GTF2H5: variants seen among roughly 807,000 people sequenced by gnomAD.
GTF2H5 encodes the protein TFB5 ortholog.
GTF2H5 carries 5 observed loss-of-function variants against 7.1 expected under a neutral mutation model. The ratio of observed to expected loss-of-function variants is 0.71; its 90% CI spans 0.37 to 1.49. The LOEUF is 1.49. Ranked by LOEUF, GTF2H5 falls within the 40% of genes most tolerant of loss-of-function variation. The probability of loss-of-function intolerance (pLI) is 0.03; values close to 1 mark genes in which losing one functional copy is unlikely to be tolerated. For synonymous variants in GTF2H5, 30 were observed against 31.7 expected (o/e 0.95, Z 0.18); for missense variants, 80 against 83.0 (o/e 0.96, Z 0.14).
intron 2 of GTF2H5, among the ~76,000 whole-genome samples, chr6:158,178,108 A>G (rs1785957137): frequency 6.6e-6 from 1 of 152,156 alleles, no homozygotes; most frequent in Non-Finnish European, 1.5e-5. Context: ...GCTGGGTCAA[A>G]TGGTATTTCT....
intron 1 of GTF2H5, among the ~76,000 whole-genome samples, chr6:158,169,693 T>G (rs1477403220): frequency 1.5e-5 from 1 of 66,146 alleles, no homozygotes; most frequent in South Asian, 3.7e-4. Flanking sequence ...ATAATATATA[T>G]TATATAATAT....
intron 2 of GTF2H5, among the ~76,000 whole-genome samples, chr6:158,171,531 G>A (rs1157192571): frequency 6.6e-6 from 1 of 152,180 alleles, no homozygotes; most frequent in Non-Finnish European, 1.5e-5. Context: ...GCCAAAGGAG[G>A]AAGTGTTTTG....
intron 2 of GTF2H5, 65 bp downstream of exon 2, chr6:158,170,603 C>A: frequency 8.9e-7 from 1 of 1,125,110 alleles, no homozygotes; most frequent in Non-Finnish European, 1.4e-6. Context: ...GTATGTATGT[C>A]TTTTCTAAAA....
In GTF2H5 at chr6:158,171,401, C is replaced by T. The variant is rs1562470446; in HGVS notation, c.35+863C>T. ...TCACAGACTAACCGTGTTTCAAGGACTCTGTAGTGACCTGACTAGTGGGCT... is the reference window on the plus strand; with the variant it reads ...TCACAGACTAACCGTGTTTCAAGGATTCTGTAGTGACCTGACTAGTGGGCT... On this transcript the variant is annotated intron_variant, in intron 2 of 2. Coordinates refer to ENST00000607778, the MANE Select transcript of GTF2H5 (RefSeq NM_207118.3). 2.0e-5 allele frequency among the ~76,000 whole-genome samples: 3 copies of T among 152,206 alleles called. No individual in the cohort carries two copies. The East Asian group carries it at 5.8e-4, about 29-fold the overall frequency.
intron 2 of GTF2H5, among the ~76,000 whole-genome samples, chr6:158,178,887 C>T: frequency 6.6e-6 from 1 of 152,050 alleles, no homozygotes; most frequent in East Asian, 1.9e-4. Flanking sequence ...CTTTTGTTGC[C>T]ATTGCTTTTC....
chr6:158,178,143 C>T (rs1785957627), intron 2 of GTF2H5, among the ~76,000 whole-genome samples: 1 of 152,226 alleles, frequency 6.6e-6, no homozygotes, highest in South Asian at 2.1e-4. Context: ...AAGGAATCGC[C>T]ACGCTGTCTT....
In GTF2H5 at chr6:158,189,997, G is replaced by A. The variant is rs148999064; in HGVS notation, c.36-1980G>A. Among the ~76,000 whole-genome samples the A allele has an allele frequency of 9.9e-3, 1,500 of 152,112 alleles. 25 individuals are homozygous for A. Among genetic ancestry groups the A allele is most frequent in the African/African-American group, 0.034 (1,400 of 41,450 alleles). On this transcript the variant is annotated intron_variant, in intron 2 of 2. Coordinates refer to ENST00000607778, the MANE Select transcript of GTF2H5 (RefSeq NM_207118.3). Reference sequence around the variant, plus strand: ...CTCTTTGGGTTTTCTTTCTACCTCGGTGGTCACTTCTTACTCAGCTTCTTC... The same window carrying A: ...CTCTTTGGGTTTTCTTTCTACCTCGATGGTCACTTCTTACTCAGCTTCTTC...
intron 2 of GTF2H5, among the ~76,000 whole-genome samples, chr6:158,180,245 T>A (rs1190772489): frequency 6.6e-6 from 1 of 152,200 alleles, no homozygotes; most frequent in African/African-American, 2.4e-5. Context: ...GTGGATAAGC[T>A]TTTTGATGTG....
Position 158,193,511 on chromosome 6 carries a change from G to C in GTF2H5, c.*1354G>C, listed in dbSNP as rs1777060553. ...CTTCCTTATGGTATGTTTATTCAAA[G>C]CACCTGTGTACCATATTTATTCACT... On this transcript the variant is annotated 3_prime_UTR_variant, in exon 3 of 3. Transcript: ENST00000607778. 1 of 152,080 alleles carries C rather than the reference G, an allele frequency of 6.6e-6. No homozygotes were observed. The highest frequency in any genetic ancestry group is 1.5e-5 in the Non-Finnish European group (1 of 68,034). The allele number at this position is 152,080 out of a possible 1,614,324, so 9.4% of individuals were successfully genotyped here. A position where few individuals can be genotyped will look rare whatever the true frequency, so the allele number is the denominator to read the frequency against.
In GTF2H5 at chr6:158,198,595, G is replaced by A. The variant is rs1777148292; in HGVS notation, c.*6438G>A. 6.6e-6 allele frequency: 1 copy of A among 152,188 alleles called. No homozygotes were observed. The highest frequency in any genetic ancestry group is 1.9e-4 in the East Asian group (1 of 5,188). 9.4% of individuals were successfully genotyped at this position (152,188 alleles called of 1,614,324 possible). A position where few individuals can be genotyped will look rare whatever the true frequency, so the allele number is the denominator to read the frequency against. On this transcript the variant is annotated 3_prime_UTR_variant, in exon 3 of 3. Coordinates refer to ENST00000607778, the MANE Select transcript of GTF2H5 (RefSeq NM_207118.3). ...ACACTTTGCTAATCTTGTATTTTTG[G>A]TAGAGACGGGGTTTGCACCATGTTG...
At chr6:158,185,568 C>A (rs1047667805) in intron 2 of GTF2H5, among the ~76,000 whole-genome samples, 1 of 150,030 alleles carries the variant, frequency 6.7e-6, no homozygotes, top group African/African-American at 2.5e-5. Flanking sequence ...AAGTTTGAAG[C>A]GATTGATATT....
At chr6:158,169,693 T>TATAA (rs1483686884) in intron 1 of GTF2H5, among the ~76,000 whole-genome samples, 1 of 66,148 alleles carries the variant, frequency 1.5e-5, no homozygotes. Context: ...ATAATATATA[T>TATAA]TATATAATAT....
chr6:158,183,640 G>A (rs1786038319), intron 2 of GTF2H5, among the ~76,000 whole-genome samples: 1 of 152,210 alleles, frequency 6.6e-6, no homozygotes, highest in South Asian at 2.1e-4. Context: ...AAGCTCCGGT[G>A]TCCCAAGTCA....
chr6:158,189,407 G>A (rs1776983514), intron 2 of GTF2H5, among the ~76,000 whole-genome samples: 1 of 152,102 alleles, frequency 6.6e-6, no homozygotes, highest in East Asian at 1.9e-4. Flanking sequence ...AGTGATGTTA[G>A]TATCCGTGTG....
At chr6:158,181,724 G>A (rs1253563402) in intron 2 of GTF2H5, among the ~76,000 whole-genome samples, 3 of 149,506 alleles carry the variant, frequency 2.0e-5, no homozygotes, top group African/African-American at 4.9e-5. Flanking sequence ...CTTTGCTTTC[G>A]CTTGGTAGAT....
chr6:158,188,334 A>G (rs1363606024), intron 2 of GTF2H5, among the ~76,000 whole-genome samples: 2 of 152,180 alleles, frequency 1.3e-5, no homozygotes, highest in Non-Finnish European at 2.9e-5. Flanking sequence ...TTGTATGTGC[A>G]AGGAAGATTT....
intron 2 of GTF2H5, among the ~76,000 whole-genome samples, chr6:158,172,999 G>A (rs1785878332): frequency 6.6e-6 from 1 of 152,110 alleles, no homozygotes; most frequent in Admixed American, 6.6e-5. Context: ...TTGCACTTCA[G>A]GGTAATCCCC....
At chr6:158,168,933 A>C (rs1166216950) in intron 1 of GTF2H5, among the ~76,000 whole-genome samples, 1 of 151,004 alleles carries the variant, frequency 6.6e-6, no homozygotes, top group African/African-American at 2.4e-5. Context: ...CCCCGTCTCC[A>C]CTAAAAATAC....
Position 158,194,651 on chromosome 6 carries a change from A to C in GTF2H5, c.*2494A>C, listed in dbSNP as rs897858832. ...TGATATGTTGAGAGTCAGCTTACACAAGTTAACTCCTTGAGGAAAGGGGGT... is the reference window on the plus strand; with the variant it reads ...TGATATGTTGAGAGTCAGCTTACACCAGTTAACTCCTTGAGGAAAGGGGGT... On this transcript the variant is annotated 3_prime_UTR_variant, in exon 3 of 3. Coordinates refer to ENST00000607778, the MANE Select transcript of GTF2H5 (RefSeq NM_207118.3). 1 of 152,168 alleles carries C rather than the reference A, an allele frequency of 6.6e-6. No homozygotes were observed. The highest frequency in any genetic ancestry group is 1.5e-5 in the Non-Finnish European group (1 of 68,052). 9.4% of individuals were successfully genotyped at this position (152,168 alleles called of 1,614,324 possible). A position where few individuals can be genotyped will look rare whatever the true frequency, so the allele number is the denominator to read the frequency against.
Sources: gnomAD v4.1 joint callset for allele counts (sites outside exome capture counted in the v4.1 genomes callset) on GRCh38, gnomAD v4.1.1 for gene constraint, MANE v1.5 for transcripts, NCBI Gene and HGNC (gene_info 2026-07-23, HGNC 2026-07-21) for gene names.